THSD7A: variants seen among roughly 807,000 people sequenced by gnomAD.
THSD7A encodes the protein thrombospondin type 1 domain containing 7A.
Under a neutral mutation model 231.3 loss-of-function variants are expected in THSD7A, and 96 were observed. That is an observed-to-expected ratio of 0.41 (90% CI 0.35 to 0.49). THSD7A has a LOEUF of 0.49. Among genes scored for constraint, THSD7A ranks in the 20% least tolerant of loss-of-function variants. The pLI is 0.05. For synonymous variants in THSD7A, 940 were observed against 743.3 expected (o/e 1.26, Z -4.30); for missense variants, 2,290 against 2,070.2 (o/e 1.11, Z -2.06).
At chr7:11,390,922 G>C (rs544599807) in intron 23 of THSD7A, among the ~76,000 whole-genome samples, 1 of 152,374 alleles carries the variant, frequency 6.6e-6, no homozygotes, top group African/African-American at 2.4e-5. Context: ...ATCACCAGCA[G>C]AGGCTACAGA....
At chr7:11,623,434 T>C (rs1419628709) in intron 2 of THSD7A, among the ~76,000 whole-genome samples, 1 of 152,046 alleles carries the variant, frequency 6.6e-6, no homozygotes, top group Admixed American at 6.6e-5. Context: ...TCCATATTAT[T>C]CCTTGATTAG....
At chr7:11,415,968 C>G (rs1029383049) in intron 17 of THSD7A, among the ~76,000 whole-genome samples, 1 of 152,176 alleles carries the variant, frequency 6.6e-6, no homozygotes, top group Non-Finnish European at 1.5e-5. Flanking sequence ...GTGCTGGAGT[C>G]TCTCTGAACC....
At chr7:11,758,267 T>G (rs79772026) in intron 1 of THSD7A, among the ~76,000 whole-genome samples, 2,091 of 152,126 alleles carry the variant, frequency 0.014, 53 homozygotes, top group African/African-American at 0.048. Context: ...GGTTATGCTC[T>G]ATATTTGGTA....
intron 6 of THSD7A, among the ~76,000 whole-genome samples, chr7:11,525,064 T>C (rs143328977): frequency 1.6e-4 from 25 of 152,330 alleles, no homozygotes; most frequent in African/African-American, 5.8e-4. Context: ...ATATTAACCT[T>C]TCTATTGACC....
chr7:11,806,581 G>A (rs1274939192), intron 1 of THSD7A, among the ~76,000 whole-genome samples: 1 of 152,160 alleles, frequency 6.6e-6, no homozygotes, highest in Non-Finnish European at 1.5e-5. Flanking sequence ...CACTGCCTGA[G>A]CTAAGGGATG....
At chr7:11,420,249 C>T (rs1784099455) in intron 16 of THSD7A, among the ~76,000 whole-genome samples, 1 of 152,206 alleles carries the variant, frequency 6.6e-6, no homozygotes, top group South Asian at 2.1e-4. Context: ...GACAGCCACT[C>T]CCATCACAAG....
At chr7:11,622,540 T>A (rs1200292899) in intron 2 of THSD7A, among the ~76,000 whole-genome samples, 1 of 152,114 alleles carries the variant, frequency 6.6e-6, no homozygotes, top group African/African-American at 2.4e-5. Flanking sequence ...GCCATCTGAA[T>A]CTGATGCTGG....
intron 6 of THSD7A, among the ~76,000 whole-genome samples, chr7:11,503,629 C>A (rs1022173976): frequency 4.6e-5 from 7 of 152,032 alleles, no homozygotes; most frequent in Non-Finnish European, 7.4e-5. Flanking sequence ...ACAAACGACT[C>A]CATTAAAAAG....
intron 2 of THSD7A, among the ~76,000 whole-genome samples, chr7:11,595,009 TTCCCCA>T (rs1485155649): frequency 6.6e-6 from 1 of 152,152 alleles, no homozygotes; most frequent in Non-Finnish European, 1.5e-5. Context: ...AAGAAAAAGC[TTCCCCA>T]TCCCCAGTAG....
intron 23 of THSD7A, among the ~76,000 whole-genome samples, chr7:11,397,239 C>T (rs968100445): frequency 2.0e-5 from 3 of 152,076 alleles, no homozygotes; most frequent in Non-Finnish European, 4.4e-5. Context: ...GGAACACAAC[C>T]GAGGCCTCAG....
chr7:11,722,222 G>T (rs1436737974), intron 1 of THSD7A, among the ~76,000 whole-genome samples: 2 of 151,908 alleles, frequency 1.3e-5, no homozygotes, highest in East Asian at 3.9e-4. Flanking sequence ...CTAAAATTAA[G>T]CCCCTCCTTG....
intron 15 of THSD7A, among the ~76,000 whole-genome samples, chr7:11,426,463 G>T (rs1180751341): frequency 1.3e-5 from 2 of 152,038 alleles, no homozygotes; most frequent in African/African-American, 4.8e-5. Flanking sequence ...TACAATGAGG[G>T]ATATGAAATG....
At chr7:11,747,176 G>A (rs1237005270) in intron 1 of THSD7A, among the ~76,000 whole-genome samples, 1 of 151,892 alleles carries the variant, frequency 6.6e-6, no homozygotes, top group African/African-American at 2.4e-5. Flanking sequence ...ATGATTATTT[G>A]TAATGAGAAA....
chr7:11,807,247 T>C (rs967598081), intron 1 of THSD7A, among the ~76,000 whole-genome samples: 2 of 152,246 alleles, frequency 1.3e-5, no homozygotes, highest in African/African-American at 4.8e-5. Flanking sequence ...GATACAAACC[T>C]AGTACTAAAA....
chr7:11,535,804 T>A lies in THSD7A; in HGVS notation c.1822+5615A>T, dbSNP rs1372730387. On this transcript the variant is annotated intron_variant, in intron 6 of 27. Transcript: ENST00000423059. ...ATTTGAAGTTGTGCTCTCATCTAGT[T>A]CCATAGATATTTGAATTGATCTGAA... is the stretch of plus-strand genomic sequence containing the variant. 2.0e-5 allele frequency among the ~76,000 whole-genome samples: 3 copies of A among 152,156 alleles called. 1 individual carries two copies. Among genetic ancestry groups the A allele is most frequent in the Non-Finnish European group, 4.4e-5 (3 of 68,028 alleles).
chr7:11,548,651 G>C (rs1789497398), intron 4 of THSD7A, among the ~76,000 whole-genome samples: 1 of 152,028 alleles, frequency 6.6e-6, no homozygotes, highest in Admixed American at 6.6e-5. Context: ...ACATCAGAAA[G>C]CTGAACCACC....
At chr7:11,680,961 T>C (rs550378326) in intron 1 of THSD7A, among the ~76,000 whole-genome samples, 12 of 152,048 alleles carry the variant, frequency 7.9e-5, no homozygotes, top group African/African-American at 2.9e-4. Context: ...CAAATGCCCA[T>C]GAATGATAGA....
rs1456108252 is a variant in THSD7A, at chr7:11,566,979, A to G, written c.1453+23481T>C. Among the ~76,000 whole-genome samples the G allele has an allele frequency of 4.5e-5, 4 of 89,356 alleles. 1 individual carries two copies. Among genetic ancestry groups the G allele is most frequent in the South Asian group, 8.1e-4 (2 of 2,460 alleles). The allele number at this position is 89,356 out of a possible 152,430, so 58.6% of individuals were successfully genotyped here. On this transcript the variant is annotated intron_variant, in intron 4 of 27. Transcript: ENST00000423059. ...CTGTGGGAGAGTGGGGGGGGGACTG[A>G]CCAACAAAGTTTCCTAAAGTTGTTG...
At chr7:11,747,126 G>C (rs1782334489) in intron 1 of THSD7A, among the ~76,000 whole-genome samples, 2 of 151,926 alleles carry the variant, frequency 1.3e-5, no homozygotes, top group Non-Finnish European at 2.9e-5. Context: ...ATGAAAAGAG[G>C]TTGCACTTAA....
Sources: gnomAD v4.1 joint callset for allele counts (sites outside exome capture counted in the v4.1 genomes callset) on GRCh38, gnomAD v4.1.1 for gene constraint, MANE v1.5 for transcripts, NCBI Gene and HGNC (gene_info 2026-07-23, HGNC 2026-07-21) for gene names.